JHY: variants seen among roughly 807,000 people sequenced by gnomAD.
JHY encodes the protein jhy protein homolog.
Under a neutral mutation model 78.0 loss-of-function variants are expected in JHY, and 69 were observed. The observed-to-expected ratio is 0.88, with a 90% CI of 0.73 to 1.08. The LOEUF is 1.08. Among genes scored for constraint, JHY ranks in the 50% least tolerant of loss-of-function variants. The probability of loss-of-function intolerance (pLI) is 0.00; values close to 1 mark genes in which losing one functional copy is unlikely to be tolerated. For missense variants in JHY, 944 were observed against 927.8 expected, an observed-to-expected ratio of 1.02 and a Z score of -0.23; for synonymous variants, 368 against 342.6, an observed-to-expected ratio of 1.07 and a Z score of -0.82.
Position 122,917,993 on chromosome 11 carries a change from C to T in JHY, c.865-6904C>T, listed in dbSNP as rs889840733. ...TCAGCTCACTGCAACCTCTGCCTCC[C>T]GGGTCCAAACGACTGTCATGCCTCA... On this transcript the variant is annotated intron_variant, in intron 3 of 8. Coordinates refer to ENST00000227349, the MANE Select transcript of JHY (RefSeq NM_024806.4). This position sits in a 1 kb window ranked among gnomAD's most constrained non-coding sequence, Gnocchi z 4.1. Among the ~76,000 whole-genome samples, 13 of 150,432 alleles carry T rather than the reference C, an allele frequency of 8.6e-5. 1 individual carries two copies. The highest frequency in any genetic ancestry group is 4.1e-4 in the South Asian group (2 of 4,820).
At chr11:122,915,616 G>C (rs1380733069) in intron 3 of JHY, among the ~76,000 whole-genome samples, 1 of 152,122 alleles carries the variant, frequency 6.6e-6, no homozygotes, top group Non-Finnish European at 1.5e-5. Flanking sequence ...GGGTTCAAGC[G>C]ATTCTCCTGC....
At chr11:122,955,241 C>T (rs1864164645) in intron 6 of JHY, among the ~76,000 whole-genome samples, 1 of 152,136 alleles carries the variant, frequency 6.6e-6, no homozygotes. Flanking sequence ...CTGCCTCAGC[C>T]CCCCGAGTAG....
intron 2 of JHY, among the ~76,000 whole-genome samples, chr11:122,893,518 A>T (rs892993008): frequency 6.6e-6 from 1 of 152,160 alleles, no homozygotes; most frequent in African/African-American, 2.4e-5. Flanking sequence ...AAATAAGTAC[A>T]TACATAGTGA....
chr11:122,918,515 G>A (rs74972324), intron 3 of JHY, among the ~76,000 whole-genome samples: 2,523 of 151,444 alleles, frequency 0.017, 95 homozygotes, highest in African/African-American at 0.036. Context: ...CGAATATTTG[G>A]AGAAAGAGGA....
rs117975967 is a variant in JHY at position 122,924,834 on chromosome 11, G to C, written c.865-63G>C. 2,522 of 1,326,918 alleles carry C rather than the reference G, an allele frequency of 1.9e-3. 4 individuals carry two copies. The highest frequency in any genetic ancestry group is 2.5e-3 in the Non-Finnish European group (2,286 of 928,118). 82.2% of individuals were successfully genotyped at this position (1,326,918 alleles called of 1,614,324 possible). A position where few individuals can be genotyped will look rare whatever the true frequency, so the allele number is the denominator to read the frequency against. On this transcript the variant is annotated intron_variant, in intron 3 of 8. Coordinates refer to ENST00000227349, the MANE Select transcript of JHY (RefSeq NM_024806.4). ...CGTTTTCTAGAGTGCACAGACTTGA[G>C]TCCCATGGCTCTAAGACTAAAATGA...
chr11:122,907,856 ATT>A (rs544478371), intron 3 of JHY, among the ~76,000 whole-genome samples: 2 of 138,412 alleles, frequency 1.4e-5, no homozygotes, highest in African/African-American at 2.6e-5. Flanking sequence ...AAAAAAGGTG[ATT>A]TTTTTTTTTG....
Position 122,934,467 on chromosome 11 carries a change from T to A in JHY, c.1026T>A (p.Asn342Lys). The change falls in exon 5 of 9, where the codon AAT becomes AAA. Residue 342 changes from asparagine to lysine, a missense_variant. Asn to Lys is a moderately conservative substitution (Grantham distance 94, BLOSUM62 0). Coordinates refer to ENST00000227349, the MANE Select transcript of JHY (RefSeq NM_024806.4). ...WSQYESTKSS[N>K]VPRGQPSDMV... is the part of the protein sequence containing the mutation. ...AATATGAAAGTACAAAATCAAGCAATGTACCAAGAGGGCAACCTTCTGACA... is the reference window on the plus strand; with the variant it reads ...AATATGAAAGTACAAAATCAAGCAAAGTACCAAGAGGGCAACCTTCTGACA... 6.2e-7 allele frequency: 1 copy of A among 1,613,820 alleles called. No homozygotes were observed. The highest frequency in any genetic ancestry group is 8.5e-7 in the Non-Finnish European group (1 of 1,179,844).
chr11:122,959,420 C>T lies in JHY; in HGVS notation c.2312C>T (p.Ala771Val), dbSNP rs1355300730. 1.2e-6 allele frequency: 2 copies of T among 1,613,978 alleles called. No homozygotes were observed. The highest frequency in any genetic ancestry group is 1.3e-5 in the African/African-American group (1 of 74,938). ...RHEREKQAVA[A>V]FKVLHIV ...GAAAGGGAAAAACAGGCTGTGGCTG[C>T]TTTCAAAGTCCTTCACATCGTATAG... Residue 771 changes from alanine (A) to valine (V), a missense_variant, in exon 9 of 9, where the codon GCT (alanine) becomes GTT (valine). Transcript: ENST00000227349.
chr11:122,905,194 TC>T (rs771102101), intron 3 of JHY: 1 of 1,614,060 alleles, frequency 6.2e-7, no homozygotes, highest in Non-Finnish European at 8.5e-7. Flanking sequence ...GTAAATTCTC[TC>T]CCACGTGATG....
chr11:122,896,411 AAAT>A (rs1862742647), intron 2 of JHY, among the ~76,000 whole-genome samples: 1 of 151,990 alleles, frequency 6.6e-6, no homozygotes, highest in Admixed American at 6.6e-5. Context: ...AGAAGGTCTA[AAAT>A]AATTTAATTC....
intron 2 of JHY, among the ~76,000 whole-genome samples, chr11:122,889,409 A>T (rs546610725): frequency 6.6e-6 from 1 of 152,358 alleles, no homozygotes; most frequent in Non-Finnish European, 1.5e-5. Flanking sequence ...TCTGTACTAA[A>T]CATGCACAGA....
chr11:122,957,443 AC>A lies in JHY; in HGVS notation c.2093del (p.Pro698HisfsTer32). 6.5e-7 allele frequency: 1 copy of A among 1,540,154 alleles called. No homozygotes were observed. Among genetic ancestry groups the A allele is most frequent in the East Asian group, 2.5e-5 (1 of 39,502 alleles). ...NMKTLSILSKPQTEKTQKKSA... is the reference protein window; with the variant it reads ...NMKTLSILSKXQTEKTQKKSA... ...TGAAGACACTATCCATTCTATCAAAACCACAAACAGAAAAAACTCAAAAGAA... is the reference window on the plus strand; with the variant it reads ...TGAAGACACTATCCATTCTATCAAAACACAAACAGAAAAAACTCAAAAGAA... On this transcript the variant is annotated frameshift_variant, in exon 8 of 9. Coordinates refer to ENST00000227349, the MANE Select transcript of JHY (RefSeq NM_024806.4). LOFTEE classifies it low-confidence loss of function (END_TRUNC).
chr11:122,931,082 C>T (rs1025134182), intron 4 of JHY, among the ~76,000 whole-genome samples: 12 of 152,062 alleles, frequency 7.9e-5, no homozygotes, highest in Non-Finnish European at 8.8e-5. Flanking sequence ...AGGAGGGCTC[C>T]GTCCTGCTGA....
At chr11:122,904,980 T>C (rs184303692) in intron 3 of JHY, among the ~76,000 whole-genome samples, 7 of 152,152 alleles carry the variant, frequency 4.6e-5, no homozygotes, top group African/African-American at 1.4e-4. Context: ...TGTATACATA[T>C]TGGGCGGTCG....
intron 3 of JHY, among the ~76,000 whole-genome samples, chr11:122,910,485 A>C (rs1042548393): frequency 1.3e-5 from 2 of 151,836 alleles, no homozygotes; most frequent in South Asian, 4.2e-4. Context: ...AAAAAAAACC[A>C]AAAAACAGTG....
chr11:122,888,358 G>A (rs3134432), intron 2 of JHY, among the ~76,000 whole-genome samples: 8,510 of 152,212 alleles, frequency 0.056, 324 homozygotes, highest in Admixed American at 0.094. Context: ...GGATATGACA[G>A]TAACAATGAC....
chr11:122,904,327 G>A lies in JHY; in HGVS notation c.747G>A (p.Arg249=), dbSNP rs759217432. The change falls in exon 3 of 9, where the codon AGG becomes AGA. Residue 249 remains arginine (R), a synonymous_variant. Coordinates refer to ENST00000227349, the MANE Select transcript of JHY (RefSeq NM_024806.4). The stretch of plus-strand genomic sequence containing the variant: ...CGGGATCACGTGGCCCTCGGCGAAG[G>A]AAATCCAAACAACATTTTGTGGAAA... ...FLPGSRGPRR[R]KSKQHFVEKN... 2 of 1,614,074 alleles carry A rather than the reference G, an allele frequency of 1.2e-6. No homozygotes were observed. Among genetic ancestry groups the A allele is most frequent in the Non-Finnish European group, 8.5e-7 (1 of 1,180,004 alleles).
In JHY at chr11:122,934,770, T is replaced by C; in HGVS notation, c.1329T>C (p.Ala443=). 6.2e-7 allele frequency: 1 copy of C among 1,614,166 alleles called. No individual in the cohort carries two copies. The highest frequency in any genetic ancestry group is 8.5e-7 in the Non-Finnish European group (1 of 1,180,036). ...HNLKETSNTF[A]PPKQAFDKVL... ...TCAAAGAAACCTCCAATACATTTGC[T>C]CCACCAAAACAGGCTTTTGACAAGG... The change falls in exon 5 of 9, where the codon GCT becomes GCC. Residue 443 remains alanine, a synonymous_variant. Coordinates refer to ENST00000227349, the MANE Select transcript of JHY (RefSeq NM_024806.4).
At chr11:122,957,869 T>A (rs1864226675) in intron 8 of JHY, among the ~76,000 whole-genome samples, 1 of 152,022 alleles carries the variant, frequency 6.6e-6, no homozygotes, top group Admixed American at 6.6e-5. Context: ...CTGAAGTTAT[T>A]GTCTCCATGT....
Sources: gnomAD v4.1 joint callset for allele counts (sites outside exome capture counted in the v4.1 genomes callset) on GRCh38, gnomAD v4.1.1 for gene constraint, Gnocchi (gnomAD v3.1) non-coding constraint, MANE v1.5 for transcripts, NCBI Gene and HGNC (gene_info 2026-07-23, HGNC 2026-07-21) for gene names.